PDZD2: variants seen among roughly 807,000 people sequenced by gnomAD.
PDZD2 encodes the protein PDZ domain containing 2.
A neutral mutation model predicts 220.7 loss-of-function variants in PDZD2; 90 were observed. The observed-to-expected ratio is 0.41, with a 90% CI of 0.34 to 0.49. PDZD2 has a LOEUF of 0.49. PDZD2 is among the 20% of genes least tolerant of loss of function. The probability of loss-of-function intolerance (pLI) is 0.28; values close to 1 mark genes in which losing one functional copy is unlikely to be tolerated. For synonymous variants in PDZD2, 1,375 were observed against 1,450.5 expected, an observed-to-expected ratio of 0.95 and a Z score of 1.18; for missense variants, 3,174 against 3,608.5, an observed-to-expected ratio of 0.88 and a Z score of 3.08.
At chr5:31,976,639 A>G (rs1464114317) in intron 2 of PDZD2, among the ~76,000 whole-genome samples, 1 of 151,808 alleles carries the variant, frequency 6.6e-6, no homozygotes, top group Non-Finnish European at 1.5e-5. Flanking sequence ...GCATTGTAGT[A>G]CAAGCCAGTG....
rs1449411862 is a variant in PDZD2 at position 31,849,950 on chromosome 5, A to G, written c.476+50226A>G. ...TATATATACACATATATATATATAC[A>G]TATATATATATACACATATATATAT... is the stretch of plus-strand genomic sequence containing the variant. On this transcript the variant is annotated intron_variant, in intron 2 of 24. Coordinates refer to ENST00000438447, the MANE Select transcript of PDZD2 (RefSeq NM_178140.4). 6.2e-4 allele frequency among the ~76,000 whole-genome samples: 15 copies of G among 24,078 alleles called. 5 individuals are homozygous for G. The highest frequency in any genetic ancestry group is 4.2e-3 in the African/African-American group (13 of 3,104). The allele number at this position is 24,078 out of a possible 152,430, so 15.8% of individuals were successfully genotyped here.
intron 2 of PDZD2, among the ~76,000 whole-genome samples, chr5:31,879,611 G>A (rs1036086096): frequency 1.3e-5 from 2 of 152,040 alleles, no homozygotes; most frequent in African/African-American, 4.8e-5. Flanking sequence ...CAGTTTGTCC[G>A]CTGGTTGGTG....
At chr5:31,911,763 C>T (rs1161901519) in intron 2 of PDZD2, among the ~76,000 whole-genome samples, 2 of 152,158 alleles carry the variant, frequency 1.3e-5, no homozygotes, top group South Asian at 2.1e-4. Flanking sequence ...ATGCTGCCTC[C>T]GCTGGCTGCT....
rs936780955 is a variant in PDZD2 at position 31,817,673 on chromosome 5, A to C, written c.476+17949A>C. Among the ~76,000 whole-genome samples the C allele has an allele frequency of 7.9e-5, 12 of 151,662 alleles. 1 individual carries two copies. Among genetic ancestry groups the C allele is most frequent in the African/African-American group, 2.9e-4 (12 of 41,122 alleles). ...TTTATCCATCTATCTATCTATCTAT[A>C]TATTTTTTGAGACAGAGTCTCACTG... On this transcript the variant is annotated intron_variant, in intron 2 of 24. Coordinates refer to ENST00000438447, the MANE Select transcript of PDZD2 (RefSeq NM_178140.4).
chr5:31,699,781 G>GT (rs11370810), intron 1 of PDZD2, among the ~76,000 whole-genome samples: 37,117 of 141,760 alleles, frequency 0.26, 4,827 homozygotes, highest in East Asian at 0.45. Context: ...TTTTTTGTTT[G>GT]TTTTTTTTTT....
intron 1 of PDZD2, among the ~76,000 whole-genome samples, chr5:31,726,219 G>A (rs570306114): frequency 3.3e-5 from 5 of 152,280 alleles, no homozygotes; most frequent in East Asian, 3.9e-4. Flanking sequence ...CTTTTTATGC[G>A]TACAGTAGTA....
At chr5:31,739,876 G>A (rs759753669) in intron 1 of PDZD2, among the ~76,000 whole-genome samples, 3 of 152,152 alleles carry the variant, frequency 2.0e-5, no homozygotes, top group Admixed American at 6.6e-5. Context: ...AAGAAGAGGA[G>A]CATTATTGTG....
chr5:32,045,688 A>C (rs1229782522), intron 7 of PDZD2, among the ~76,000 whole-genome samples: 5 of 151,748 alleles, frequency 3.3e-5, no homozygotes, highest in African/African-American at 4.8e-5. Flanking sequence ...CAGCCTCCCA[A>C]AGTGCTAGGA....
At chr5:31,964,348 AT>A (rs1431757153) in intron 2 of PDZD2, among the ~76,000 whole-genome samples, 2 of 152,248 alleles carry the variant, frequency 1.3e-5, no homozygotes, top group Non-Finnish European at 2.9e-5. Context: ...CTCTGAAGTT[AT>A]ATGGCTTTTC....
chr5:31,768,513 G>A (rs896003631), intron 1 of PDZD2, among the ~76,000 whole-genome samples: 4 of 152,006 alleles, frequency 2.6e-5, no homozygotes, highest in South Asian at 2.1e-4. Context: ...ATGGTGGCAC[G>A]TACCTGTAGT....
intron 19 of PDZD2, chr5:32,077,965 AG>A (rs1287846617): frequency 4.2e-5 from 8 of 189,184 alleles, no homozygotes; most frequent in East Asian, 3.0e-4. Flanking sequence ...CAAAAAAAAA[AG>A]AAAAAAGAAA....
chr5:31,824,230 T>G (rs1473274657), intron 2 of PDZD2, among the ~76,000 whole-genome samples: 1 of 152,132 alleles, frequency 6.6e-6, no homozygotes, highest in Non-Finnish European at 1.5e-5. Context: ...GCAGCTCCAG[T>G]CAACACAAGC....
chr5:32,014,857 T>C (rs1225664807), intron 6 of PDZD2, among the ~76,000 whole-genome samples: 2 of 151,070 alleles, frequency 1.3e-5, no homozygotes, highest in Non-Finnish European at 2.9e-5. Context: ...TATAGGCATG[T>C]GCCACCATGC....
chr5:31,913,398 C>G (rs1743378878), intron 2 of PDZD2, among the ~76,000 whole-genome samples: 1 of 151,772 alleles, frequency 6.6e-6, no homozygotes, highest in South Asian at 2.1e-4. Context: ...AAGATTTAGC[C>G]CATGGTCTGC....
At chr5:32,105,275 A>G (rs1394237002) in intron 24 of PDZD2, among the ~76,000 whole-genome samples, 2 of 152,240 alleles carry the variant, frequency 1.3e-5, no homozygotes, top group African/African-American at 4.8e-5. Flanking sequence ...GGTGGCCAAG[A>G]AACACAGGAA....
chr5:31,872,574 C>T (rs2150325422), intron 2 of PDZD2, among the ~76,000 whole-genome samples: 2 of 152,258 alleles, frequency 1.3e-5, no homozygotes, highest in Middle Eastern at 3.4e-3. Flanking sequence ...GTTAACTGGC[C>T]TGTCATTGCT....
intron 1 of PDZD2, among the ~76,000 whole-genome samples, chr5:31,696,334 C>G (rs403662): frequency 0.44 from 67,345 of 151,994 alleles, 15,456 homozygotes; most frequent in East Asian, 0.62. Context: ...GGGTCTCACT[C>G]TGTCCCCCAG....
In PDZD2 at chr5:32,089,844, CTA is replaced by C; in HGVS notation, c.6398_6399del (p.Tyr2133SerfsTer46). 6.2e-7 allele frequency: 1 copy of C among 1,613,464 alleles called. No individual in the cohort carries two copies. Among genetic ancestry groups the C allele is most frequent in the Non-Finnish European group, 8.5e-7 (1 of 1,179,498 alleles). On this transcript the variant is annotated frameshift_variant, in exon 20 of 25. Coordinates refer to ENST00000438447, the MANE Select transcript of PDZD2 (RefSeq NM_178140.4). LOFTEE classifies it high-confidence loss of function. ...NCQEKSEIRL[Y>X]RQVAESSTSH... is the part of the protein sequence containing the mutation. Reference sequence around the variant, plus strand: ...GTCAGGAGAAGAGTGAAATCAGGCTCTATCGCCAGGTCGCAGAATCATCCACA... The same window carrying C: ...GTCAGGAGAAGAGTGAAATCAGGCTCTCGCCAGGTCGCAGAATCATCCACA...
intron 1 of PDZD2, among the ~76,000 whole-genome samples, chr5:31,695,031 G>A (rs1296799612): frequency 3.3e-5 from 5 of 152,036 alleles, no homozygotes; most frequent in Admixed American, 6.6e-5. Context: ...GGCTGCGGCA[G>A]GAGAATTGCT....
Sources: allele counts gnomAD v4.1 joint callset (sites outside exome capture counted in the v4.1 genomes callset), GRCh38; gene constraint gnomAD v4.1.1; transcripts MANE v1.5; gene names NCBI Gene and HGNC (gene_info 2026-07-23, HGNC 2026-07-21).